Variants in PTPRD observed in about 807,000 individuals in gnomAD.
PTPRD encodes protein tyrosine phosphatase receptor type D, also known as receptor-type tyrosine-protein phosphatase delta.
A neutral mutation model predicts 214.5 loss-of-function variants in PTPRD; 34 were observed. The observed-to-expected ratio is 0.16, with a 90% CI of 0.12 to 0.21. The LOEUF (loss-of-function observed/expected upper bound fraction) is 0.21. PTPRD is among the 10% of genes least tolerant of loss of function. The pLI is 1.00. For missense variants in PTPRD, 2,545 were observed against 2,398.7 expected, an observed-to-expected ratio of 1.06 and a Z score of -1.27; for synonymous variants, 1,128 against 845.7, an observed-to-expected ratio of 1.33 and a Z score of -5.79.
At chr9:8,861,919 T>G (rs2154545847) in intron 11 of PTPRD, 1 of 152,356 alleles carries the variant, frequency 6.6e-6, no homozygotes, top group East Asian at 1.9e-4. Flanking sequence ...AATACATAAA[T>G]GAAACAATAA....
intron 2 of PTPRD, among the ~76,000 whole-genome samples, chr9:10,358,325 G>A (rs2097314825): frequency 6.6e-6 from 1 of 151,870 alleles, no homozygotes; most frequent in Non-Finnish European, 1.5e-5. Context: ...TTTAATGCAT[G>A]GTGAACCTAT....
At chr9:10,413,597 A>G (rs1392008559) in intron 2 of PTPRD, among the ~76,000 whole-genome samples, 3 of 152,008 alleles carry the variant, frequency 2.0e-5, no homozygotes, top group African/African-American at 7.2e-5. Context: ...TCAAAGAACT[A>G]GAAAAACTAT....
intron 8 of PTPRD, among the ~76,000 whole-genome samples, chr9:9,453,018 TTA>T (rs1367093137): frequency 0.042 from 2,750 of 65,294 alleles, 68 homozygotes; most frequent in African/African-American, 0.14. Flanking sequence ...GAAGCCTATT[TTA>T]TTTTTTTTTT....
intron 10 of PTPRD, among the ~76,000 whole-genome samples, chr9:9,125,618 T>G (rs1341979637): frequency 6.6e-6 from 1 of 152,206 alleles, no homozygotes; most frequent in Non-Finnish European, 1.5e-5. Flanking sequence ...CAAGAAATAC[T>G]TCTTGAATAA....
intron 9 of PTPRD, among the ~76,000 whole-genome samples, chr9:9,274,517 G>A (rs928755249): frequency 1.3e-5 from 2 of 151,010 alleles, no homozygotes; most frequent in Non-Finnish European, 3.0e-5. Context: ...ATTTATCAGG[G>A]GCCCTTATGG....
At chr9:10,202,585 A>G (rs1444410869) in intron 3 of PTPRD, among the ~76,000 whole-genome samples, 1 of 150,330 alleles carries the variant, frequency 6.7e-6, no homozygotes, top group Admixed American at 6.6e-5. Context: ...CATGATTTAA[A>G]TAGTCATTTA....
chr9:9,627,493 T>A (rs2095459640), intron 7 of PTPRD, among the ~76,000 whole-genome samples: 1 of 152,226 alleles, frequency 6.6e-6, no homozygotes, highest in African/African-American at 2.4e-5. Flanking sequence ...AAAAAGTAAC[T>A]ACATTTCTAT....
At chr9:8,479,951 G>A (rs965171398) in intron 30 of PTPRD, among the ~76,000 whole-genome samples, 1 of 151,904 alleles carries the variant, frequency 6.6e-6, no homozygotes, top group Non-Finnish European at 1.5e-5. Context: ...ATCTCCTTCA[G>A]GAGGCCTCCC....
intron 4 of PTPRD, among the ~76,000 whole-genome samples, chr9:9,984,653 A>T (rs1207814372): frequency 6.6e-6 from 1 of 152,128 alleles, no homozygotes; most frequent in African/African-American, 2.4e-5. Flanking sequence ...TTTACACTTA[A>T]TGGGAGTAGG....
At position 9,084,557 on chromosome 9, in the gene PTPRD, T is replaced by C. The variant is rs559284123; in HGVS notation, c.-142-65822A>G. ...TCCCAGAATTAAAGTATAATAATAG[T>C]AAAAAAGTTCCCACTGACACACATT... On this transcript the variant is annotated intron_variant, in intron 10 of 45. Coordinates refer to ENST00000381196, the MANE Select transcript of PTPRD (RefSeq NM_002839.4). Among the ~76,000 whole-genome samples, 3 of 152,100 alleles carry C rather than the reference T, an allele frequency of 2.0e-5. No homozygotes were observed. The South Asian group carries it at 6.2e-4, about 32-fold the overall frequency.
chr9:9,900,786 G>A (rs1184036605), intron 5 of PTPRD, among the ~76,000 whole-genome samples: 1 of 151,860 alleles, frequency 6.6e-6, no homozygotes, highest in Non-Finnish European at 1.5e-5. Context: ...ACAGGCACGT[G>A]CCACCACACC....
chr9:8,704,904 T>C (rs979840978), intron 12 of PTPRD, among the ~76,000 whole-genome samples: 3 of 152,008 alleles, frequency 2.0e-5, no homozygotes, highest in East Asian at 1.9e-4. Context: ...GCCCGGGCGA[T>C]AGAGCAAGAC....
intron 4 of PTPRD, among the ~76,000 whole-genome samples, chr9:9,947,679 T>G (rs1212775728): frequency 8.4e-6 from 1 of 119,352 alleles, no homozygotes; most frequent in African/African-American, 3.2e-5. Flanking sequence ...TAGTAAAAGG[T>G]CAAGTTAGAT....
At position 9,651,403 on chromosome 9, in the gene PTPRD, A is replaced by G. The variant is rs534515619; in HGVS notation, c.-286-76622T>C. 5.1e-4 allele frequency among the ~76,000 whole-genome samples: 77 copies of G among 152,094 alleles called. 2 individuals carry two copies. In the South Asian group the frequency reaches 0.014, roughly 28 times the overall value. ...AACCTCTTCCTCCTCCCACCTTCCA[A>G]CTTCCAAAAAACCTTAGGGAGTGTT... On this transcript the variant is annotated intron_variant, in intron 7 of 45. Coordinates refer to ENST00000381196, the MANE Select transcript of PTPRD (RefSeq NM_002839.4).
intron 11 of PTPRD, among the ~76,000 whole-genome samples, chr9:8,771,175 C>T (rs1436405004): frequency 1.5e-5 from 1 of 66,270 alleles, no homozygotes; most frequent in Non-Finnish European, 2.6e-5. Flanking sequence ...AGCAAGATTC[C>T]GTCTCAAAAA....
chr9:9,111,220 A>G (rs1182172414), intron 10 of PTPRD, among the ~76,000 whole-genome samples: 6 of 151,848 alleles, frequency 4.0e-5, no homozygotes, highest in African/African-American at 9.7e-5. Context: ...GAAAAAAAAA[A>G]AAAAGAAAAG....
intron 9 of PTPRD, among the ~76,000 whole-genome samples, chr9:9,232,834 T>A (rs2099963974): frequency 1.3e-5 from 2 of 152,114 alleles, no homozygotes; most frequent in African/African-American, 2.4e-5. Context: ...CTGACATTCT[T>A]CTTGAAGCAA....
intron 11 of PTPRD, among the ~76,000 whole-genome samples, chr9:8,897,039 C>G (rs2098621766): frequency 6.6e-6 from 1 of 152,134 alleles, no homozygotes; most frequent in Non-Finnish European, 1.5e-5. Context: ...TTTAATATAT[C>G]TACAATACTG....
intron 4 of PTPRD, among the ~76,000 whole-genome samples, chr9:10,011,087 C>G (rs971595352): frequency 4.6e-5 from 7 of 151,876 alleles, no homozygotes; most frequent in African/African-American, 1.7e-4. Flanking sequence ...AGAAGAAAGT[C>G]ATTCTCCACA....
Sources: gnomAD v4.1 joint callset for allele counts (sites outside exome capture counted in the v4.1 genomes callset) on GRCh38, gnomAD v4.1.1 for gene constraint, MANE v1.5 for transcripts, NCBI Gene and HGNC (gene_info 2026-07-23, HGNC 2026-07-21) for gene names.